Variants in VPS25 observed in about 807,000 individuals in gnomAD.
VPS25 encodes vacuolar protein sorting 25 homolog, also known as vacuolar protein-sorting-associated protein 25.
A neutral mutation model predicts 30.3 loss-of-function variants in VPS25; 21 were observed. The observed-to-expected ratio is 0.69, with a 90% CI of 0.49 to 1.00. The LOEUF (loss-of-function observed/expected upper bound fraction) is 1.00, where lower values mean the gene tolerates loss of function less well. Among genes scored for constraint, VPS25 ranks in the 50% least tolerant of loss-of-function variants. The pLI is 0.00. For synonymous variants in VPS25, 101 were observed against 88.1 expected (o/e 1.15, Z -0.82); for missense variants, 156 against 217.2 (o/e 0.72, Z 1.77).
chr17:42,779,028 A>C lies in VPS25; in HGVS notation c.490A>C (p.Ile164Leu). The part of the protein sequence containing the change: ...QALQQEHKAE[I>L]ITVSDGRGVK... ...CCTACAGCAGGAGCACAAGGCCGAG[A>C]TCATCACTGTCAGCGATGGCCGAGG... The change falls in exon 6 of 6, where the codon ATC (isoleucine) becomes CTC (leucine). Residue 164 changes from isoleucine (I) to leucine (L), a missense_variant. Transcript: ENST00000253794. 6.2e-7 allele frequency: 1 copy of C among 1,614,076 alleles called. No homozygotes were observed. Among genetic ancestry groups the C allele is most frequent in the Non-Finnish European group, 8.5e-7 (1 of 1,179,960 alleles).
At chr17:42,773,633 G>T in intron 1 of VPS25, 100 bp from the exon 2 acceptor site, 1 of 1,605,224 alleles carries the variant, frequency 6.2e-7, no homozygotes, top group Non-Finnish European at 8.5e-7. Flanking sequence ...AAGACCCGTC[G>T]GCCAACACCC....
At chr17:42,775,348 C>T in intron 3 of VPS25, 33 bp from the exon 4 acceptor site, 1 of 1,589,548 alleles carries the variant, frequency 6.3e-7, no homozygotes, top group Non-Finnish European at 8.6e-7. Flanking sequence ...CACTGCGCGC[C>T]TGGTTATGCT....
intron 3 of VPS25, chr17:42,775,063 G>A: frequency 2.8e-6 from 1 of 360,134 alleles, no homozygotes; most frequent in Non-Finnish European, 5.0e-6. Flanking sequence ...TTTGGGTGGG[G>A]AGATAAGGTC....
Position 42,779,396 on chromosome 17 carries a change from G to T in VPS25, c.*327G>T. ...AAGTACATACACACATGCGCCTGCA[G>T]CACATGCTTCTGTCTCCTCCTCCTC... On this transcript the variant is annotated 3_prime_UTR_variant, in exon 6 of 6. Transcript: ENST00000253794. 4.3e-6 allele frequency: 1 copy of T among 232,636 alleles called. No individual in the cohort carries two copies. Among genetic ancestry groups the T allele is most frequent in the African/African-American group, 2.2e-5 (1 of 45,068 alleles). The allele number at this position is 232,636 out of a possible 1,614,324, so 14.4% of individuals were successfully genotyped here.
At chr17:42,775,136 C>G in intron 3 of VPS25, 2 of 465,090 alleles carry the variant, frequency 4.3e-6, no homozygotes, top group Non-Finnish European at 3.8e-6. Flanking sequence ...CCTCGACTCC[C>G]AGGCTCAAGT....
chr17:42,776,015 C>T (rs1456481826), intron 4 of VPS25, among the ~76,000 whole-genome samples: 1 of 152,192 alleles, frequency 6.6e-6, no homozygotes, highest in African/African-American at 2.4e-5. Context: ...AGGTCAAGGT[C>T]ACTCCTCAGA....
chr17:42,774,137 T>G (rs960942613), intron 2 of VPS25: 37 of 405,728 alleles, frequency 9.1e-5, no homozygotes, highest in Non-Finnish European at 1.3e-4. Flanking sequence ...AGTTCCAAGT[T>G]TTTTAACCTA....
At position 42,776,293 on chromosome 17, in the gene VPS25, A is replaced by T. The variant is rs758099267; in HGVS notation, c.391A>T (p.Thr131Ser). 1.9e-6 allele frequency: 3 copies of T among 1,613,526 alleles called. No homozygotes were observed. The East Asian group carries it at 6.7e-5, about 36-fold the overall frequency. ...CTCCGTCTTTACCCTGTATGAACTGACTAATGGGGAAGACACAGAGGATGA... is the reference window on the plus strand; with the variant it reads ...CTCCGTCTTTACCCTGTATGAACTGTCTAATGGGGAAGACACAGAGGATGA... ...NNSVFTLYEL[T>S]NGEDTEDEEF... Residue 131 changes from threonine to serine, a missense_variant, in exon 5 of 6, where the codon ACT becomes TCT. Coordinates refer to ENST00000253794, the MANE Select transcript of VPS25 (RefSeq NM_032353.4).
chr17:42,773,742 G>C lies in VPS25; in HGVS notation c.63G>C (p.Pro21=). The change falls in exon 2 of 6, where the codon CCG becomes CCC. Residue 21 remains proline (P), a synonymous_variant. Transcript: ENST00000253794. ...TCCCTTCACCCGGCAGGTTACAACC[G>C]AATGTGGACACTCGGCAGAAGCAGC... ...YRFPPFFTLQ[P]NVDTRQKQLA... The C allele has an allele frequency of 6.2e-7, 1 of 1,613,988 alleles. No homozygotes were observed. Among genetic ancestry groups the C allele is most frequent in the Non-Finnish European group, 8.5e-7 (1 of 1,179,946 alleles).
Position 42,775,473 on chromosome 17 carries a change from A to G in VPS25, c.342+4A>G, listed in dbSNP as rs542029064. ...GGGGAAACTCATCTATCAGTGGGTGAGATCATTATTCTGCCAAGTATTCAA... is the reference window on the plus strand; with the variant it reads ...GGGGAAACTCATCTATCAGTGGGTGGGATCATTATTCTGCCAAGTATTCAA... On this transcript the variant is annotated splice_donor_region_variant and intron_variant, in intron 4 of 5. Coordinates refer to ENST00000253794, the MANE Select transcript of VPS25 (RefSeq NM_032353.4). The G allele has an allele frequency of 2.5e-6, 4 of 1,610,214 alleles. No individual in the cohort carries two copies. In the South Asian group the frequency reaches 4.4e-5, roughly 18 times the overall value.
rs61672979 is a variant in VPS25 at position 42,778,603 on chromosome 17, C to T, written c.419-354C>T. Reference sequence around the variant, plus strand: ...AGGATAGATCCTCTAGGGTCAGTGTCTAGTGACAATGGCTCCGATCTCCCT... The same window carrying T: ...AGGATAGATCCTCTAGGGTCAGTGTTTAGTGACAATGGCTCCGATCTCCCT... On this transcript the variant is annotated intron_variant, in intron 5 of 5. Coordinates refer to ENST00000253794, the MANE Select transcript of VPS25 (RefSeq NM_032353.4). Among the ~76,000 whole-genome samples, 832 of 152,336 alleles carry T rather than the reference C, an allele frequency of 5.5e-3. 39 individuals are homozygous for T. The South Asian group carries it at 0.1, about 19-fold the overall frequency.
intron 3 of VPS25, chr17:42,775,009 A>AT (rs910528039): frequency 4.0e-4 from 152 of 375,680 alleles, no homozygotes; most frequent in African/African-American, 1.0e-4. Flanking sequence ...CCACCTTGGT[A>AT]TTTTTTTGCC....
Position 42,779,221 on chromosome 17 carries a change from C to T in VPS25, c.*152C>T. ...GGCTGGGACCTGGGGATGGGTTTCT[C>T]ACACCCCATATGTCTGTCCCTTGGA... On this transcript the variant is annotated 3_prime_UTR_variant, in exon 6 of 6. Transcript: ENST00000253794. 1.5e-6 allele frequency: 1 copy of T among 658,680 alleles called. No individual in the cohort carries two copies. The highest frequency in any genetic ancestry group is 2.7e-6 in the Non-Finnish European group (1 of 376,330). The allele number at this position is 658,680 out of a possible 1,614,324, so 40.8% of individuals were successfully genotyped here.
rs754244857 is a variant in VPS25, at chr17:42,773,772, C to A, written c.93C>A (p.Ala31=). 1.2e-6 allele frequency: 2 copies of A among 1,614,126 alleles called. No homozygotes were observed. Among genetic ancestry groups the A allele is most frequent in the Non-Finnish European group, 1.7e-6 (2 of 1,180,028 alleles). ...TGGACACTCGGCAGAAGCAGCTGGC[C>A]GCCTGGTGCTCGCTGGTCCTGTCCT... ...PNVDTRQKQL[A]AWCSLVLSFC... is the part of the protein sequence containing the mutation. The change falls in exon 2 of 6, where the codon GCC becomes GCA. Residue 31 remains alanine, a synonymous_variant. Transcript: ENST00000253794.
chr17:42,777,359 A>G (rs1410658458), intron 5 of VPS25, among the ~76,000 whole-genome samples: 1 of 152,150 alleles, frequency 6.6e-6, no homozygotes, highest in Non-Finnish European at 1.5e-5. Flanking sequence ...TACTAAAAAT[A>G]CAAAAATTAG....
In VPS25 at chr17:42,779,496, G is replaced by A. The variant is rs2054457665; in HGVS notation, c.*427G>A. 2 of 171,918 alleles carry A rather than the reference G, an allele frequency of 1.2e-5. No individual in the cohort carries two copies. The highest frequency in any genetic ancestry group is 1.1e-4 in the Admixed American group (2 of 18,240). The allele number at this position is 171,918 out of a possible 1,614,324, so 10.6% of individuals were successfully genotyped here. On this transcript the variant is annotated 3_prime_UTR_variant, in exon 6 of 6. Coordinates refer to ENST00000253794, the MANE Select transcript of VPS25 (RefSeq NM_032353.4). Reference sequence around the variant, plus strand: ...TTCCTAGGGGATGGGGGAAGCCCTGGCTGCAGGCAGCCTTCCAGGCAATAT... The same window carrying A: ...TTCCTAGGGGATGGGGGAAGCCCTGACTGCAGGCAGCCTTCCAGGCAATAT...
chr17:42,777,232 A>G (rs2054441112), intron 5 of VPS25, among the ~76,000 whole-genome samples: 3 of 151,316 alleles, frequency 2.0e-5, no homozygotes, highest in African/African-American at 7.3e-5. Flanking sequence ...AAATAACAAT[A>G]GGCCGGGTGC....
At position 42,776,236 on chromosome 17, in the gene VPS25, T is replaced by C; in HGVS notation, c.343-9T>C. ...GTTCTAATTCACTCCTCATTTTCTG[T>C]ATTCACAGGTTTCCAGGAGTGGCCA... On this transcript the variant is annotated splice_polypyrimidine_tract_variant and intron_variant, in intron 4 of 5. Coordinates refer to ENST00000253794, the MANE Select transcript of VPS25 (RefSeq NM_032353.4). The C allele has an allele frequency of 6.2e-7, 1 of 1,612,240 alleles. No individual in the cohort carries two copies.
chr17:42,777,254 C>A (rs1042263299), intron 5 of VPS25, among the ~76,000 whole-genome samples: 21 of 152,136 alleles, frequency 1.4e-4, no homozygotes, highest in Non-Finnish European at 2.2e-4. Context: ...GTGGCTCACG[C>A]CTGTAATCCC....
Sources: gnomAD v4.1 joint callset for allele counts (sites outside exome capture counted in the v4.1 genomes callset) on GRCh38, gnomAD v4.1.1 for gene constraint, MANE v1.5 for transcripts, NCBI Gene and HGNC (gene_info 2026-07-23, HGNC 2026-07-21) for gene names.